BIN3: variants seen among roughly 807,000 people sequenced by gnomAD.
BIN3 encodes bridging integrator 3.
BIN3 carries 41 observed loss-of-function variants against 38.2 expected under a neutral mutation model. That is an observed-to-expected ratio of 1.07 (90% CI 0.84 to 1.39). BIN3 has a LOEUF of 1.39. Ranked by LOEUF, BIN3 falls within the 40% of genes most tolerant of loss-of-function variation. BIN3 has a pLI of 0.00. For missense variants in BIN3, 361 were observed against 324.3 expected (o/e 1.11, Z -0.87); for synonymous variants, 145 against 122.6 (o/e 1.18, Z -1.21).
chr8:22,643,377 G>A (rs983261656), intron 2 of BIN3, among the ~76,000 whole-genome samples: 4 of 152,146 alleles, frequency 2.6e-5, no homozygotes, highest in Admixed American at 1.3e-4. Flanking sequence ...ATCACCTAGG[G>A]TGGAGTGCAG....
chr8:22,660,292 G>A (rs758856943), intron 1 of BIN3, among the ~76,000 whole-genome samples: 26 of 152,358 alleles, frequency 1.7e-4, no homozygotes, highest in Non-Finnish European at 1.2e-4. Flanking sequence ...GTAGAAAATG[G>A]GTTTGCATTT....
chr8:22,630,465 T>C lies in BIN3; in HGVS notation c.274A>G (p.Met92Val), dbSNP rs1802155976. 6.2e-7 allele frequency: 1 copy of C among 1,613,952 alleles called. No individual in the cohort carries two copies. Among genetic ancestry groups the C allele is most frequent in the East Asian group, 2.2e-5 (1 of 44,894 alleles). ...VTALDTAMKR[M>V]DAFNQEKVNQ... ...ACCTTTTCCTGATTGAAGGCATCCA[T>C]CCGCTTCATGGCCGTGTCCAGGGCC... The change falls in exon 5 of 9, where the codon ATG (methionine) becomes GTG (valine). Residue 92 changes from methionine to valine, a missense_variant. Met to Val is a conservative substitution (Grantham distance 21). Transcript: ENST00000276416.
chr8:22,652,557 G>T (rs151016369), intron 1 of BIN3, among the ~76,000 whole-genome samples: 70 of 152,350 alleles, frequency 4.6e-4, no homozygotes, highest in African/African-American at 1.7e-3. Context: ...GGCACTCTGA[G>T]GGTGTGCGTT....
In BIN3 at chr8:22,624,310, G is replaced by T. The variant is rs759242671; in HGVS notation, c.392C>A (p.Ala131Asp). 5.0e-6 allele frequency: 8 copies of T among 1,613,806 alleles called. No homozygotes were observed. The South Asian group carries it at 8.8e-5, about 18-fold the overall frequency. The change falls in exon 7 of 9, where the codon GCC (alanine) becomes GAC (aspartate). Residue 131 changes from alanine (A) to aspartate (D), a missense_variant. Physicochemically the swap from Ala to Asp is moderately radical, Grantham distance 126. Coordinates refer to ENST00000276416, the MANE Select transcript of BIN3 (RefSeq NM_018688.6). The part of the protein sequence containing the change: ...LNMAVKRREQ[A>D]LQDYRRLQAK... ...CTGCAGCCTCCTGTAGTCCTGCAAG[G>T]CCTGTTCCCGCCTCTTCACAGCCAT...
intron 1 of BIN3, among the ~76,000 whole-genome samples, chr8:22,646,649 CAAAT>C (rs1202283545): frequency 4.6e-5 from 7 of 152,006 alleles, no homozygotes; most frequent in African/African-American, 1.7e-4. Flanking sequence ...CTTCTGTAAA[CAAAT>C]AAATTCTGAC....
chr8:22,657,802 G>A (rs138413395), intron 1 of BIN3, among the ~76,000 whole-genome samples: 280 of 152,346 alleles, frequency 1.8e-3, no homozygotes, highest in Non-Finnish European at 3.5e-3. Flanking sequence ...TCATCCCCGT[G>A]GGTCTCCCAC....
chr8:22,649,947 T>A (rs1405812888), intron 1 of BIN3, among the ~76,000 whole-genome samples: 1 of 151,954 alleles, frequency 6.6e-6, no homozygotes, highest in Non-Finnish European at 1.5e-5. Context: ...ATATAATTTT[T>A]AAATTAATAA....
At chr8:22,646,362 C>G (rs2117562307) in intron 1 of BIN3, among the ~76,000 whole-genome samples, 2 of 152,304 alleles carry the variant, frequency 1.3e-5, no homozygotes, top group South Asian at 4.1e-4. Context: ...CCACAATGCA[C>G]CAGACCCGCT....
intron 6 of BIN3, among the ~76,000 whole-genome samples, chr8:22,629,541 AGCC>A (rs2117513652): frequency 6.6e-6 from 1 of 152,350 alleles, no homozygotes; most frequent in Admixed American, 6.5e-5. Flanking sequence ...ACGTTTCCAG[AGCC>A]GAGTGCTGCA....
At chr8:22,624,490 A>G in intron 6 of BIN3, 127 bp from the exon 7 acceptor site, 1 of 1,303,978 alleles carries the variant, frequency 7.7e-7, no homozygotes, top group Non-Finnish European at 1.0e-6. Flanking sequence ...CCTGGCCAGC[A>G]CTCACTTGTC....
intron 6 of BIN3, among the ~76,000 whole-genome samples, chr8:22,627,922 A>G (rs1802056665): frequency 6.6e-6 from 1 of 152,226 alleles, no homozygotes; most frequent in South Asian, 2.1e-4. Context: ...AGTCTGTTTT[A>G]CATTTATCCT....
intron 6 of BIN3, 81 bp from the exon 7 acceptor site, chr8:22,624,444 G>A (rs750294978): frequency 1.4e-5 from 22 of 1,539,488 alleles, no homozygotes; most frequent in Non-Finnish European, 1.8e-5. Flanking sequence ...TGGAGGGGTG[G>A]CCTGGCTGGA....
At chr8:22,652,250 C>G (rs1802925657) in intron 1 of BIN3, among the ~76,000 whole-genome samples, 1 of 152,052 alleles carries the variant, frequency 6.6e-6, no homozygotes, top group African/African-American at 2.4e-5. Flanking sequence ...TTCTTGGTTG[C>G]CTACTCTCAT....
intron 6 of BIN3, chr8:22,624,809 A>T (rs1190449975): frequency 1.0e-5 from 2 of 191,108 alleles, no homozygotes; most frequent in African/African-American, 4.7e-5. Flanking sequence ...TTTAAAAAGG[A>T]GGGAAACTGA....
intron 8 of BIN3, among the ~76,000 whole-genome samples, chr8:22,622,121 G>A (rs1027842818): frequency 6.6e-6 from 1 of 152,236 alleles, no homozygotes; most frequent in Non-Finnish European, 1.5e-5. Context: ...TCCCTCTAGG[G>A]AGGCACCAGA....
intron 4 of BIN3, 71 bp downstream of exon 4, chr8:22,636,454 G>A (rs1802367518): frequency 6.8e-7 from 1 of 1,480,126 alleles, no homozygotes; most frequent in South Asian, 1.2e-5. Context: ...GCCCTTGGGG[G>A]GCTGAGAGAG....
chr8:22,630,375 C>G, intron 5 of BIN3, 67 bp downstream of exon 5: 1 of 1,594,402 alleles, frequency 6.3e-7, no homozygotes, highest in South Asian at 1.1e-5. Context: ...CCTCCCCGCA[C>G]AGTCCACCCA....
chr8:22,666,890 C>T (rs1484703934), intron 1 of BIN3, among the ~76,000 whole-genome samples: 4 of 152,152 alleles, frequency 2.6e-5, no homozygotes, highest in African/African-American at 9.7e-5. Context: ...GTCTCTTCCC[C>T]TAATGAGAAT....
intron 1 of BIN3, among the ~76,000 whole-genome samples, chr8:22,654,746 T>C (rs1803004422): frequency 1.3e-5 from 2 of 152,258 alleles, no homozygotes; most frequent in South Asian, 4.1e-4. Context: ...GATGGACAAT[T>C]GGGTTGTTTT....
Sources: gnomAD v4.1 joint callset for allele counts (sites outside exome capture counted in the v4.1 genomes callset) on GRCh38, gnomAD v4.1.1 for gene constraint, MANE v1.5 for transcripts, NCBI Gene and HGNC (gene_info 2026-07-23, HGNC 2026-07-21) for gene names.